ATP2A2: variants seen among roughly 807,000 people sequenced by gnomAD.
The protein encoded by ATP2A2 is ATPase sarcoplasmic/endoplasmic reticulum Ca2+ transporting 2, also known as sarcoplasmic/endoplasmic reticulum calcium ATPase 2.
ATP2A2 carries 14 observed loss-of-function variants against 109.3 expected under a neutral mutation model. That is an observed-to-expected ratio of 0.13 (90% CI 0.08 to 0.20). The LOEUF is 0.20. Among genes scored for constraint, ATP2A2 ranks in the 10% least tolerant of loss-of-function variants. ATP2A2 has a pLI of 1.00. For synonymous variants in ATP2A2, 506 were observed against 490.9 expected (o/e 1.03, Z -0.41); for missense variants, 657 against 1,321.6 (o/e 0.50, Z 7.80).
Position 110,342,558 on chromosome 12 carries a change from T to G in ATP2A2, c.2318+110T>G. 1.5e-6 allele frequency: 2 copies of G among 1,316,084 alleles called. No individual in the cohort carries two copies. The highest frequency in any genetic ancestry group is 2.1e-6 in the Non-Finnish European group (2 of 934,552). The allele number at this position is 1,316,084 out of a possible 1,614,324, so 81.5% of individuals were successfully genotyped here. On this transcript the variant is annotated intron_variant, in intron 15 of 19. Transcript: ENST00000539276. The surrounding 1 kb of genome is among the most constrained non-coding windows in gnomAD (Gnocchi z 4.6). ...TTGCAGCAGCTTTGGTCTTTGTGCC[T>G]GAGTTGGAAGAGGGGAGTGGGCAAG...
chr12:110,332,764 G>A, intron 9 of ATP2A2, 79 bp downstream of exon 9: 1 of 1,247,428 alleles, frequency 8.0e-7, no homozygotes, highest in South Asian at 1.2e-5. Context: ...TGTCTACAAA[G>A]TTAAGACAGC....
At chr12:110,338,431 C>A (rs1488755404) in intron 11 of ATP2A2, among the ~76,000 whole-genome samples, 1 of 152,216 alleles carries the variant, frequency 6.6e-6, no homozygotes, top group Admixed American at 6.5e-5. Context: ...TGTCATTATA[C>A]TGAATGGTAT....
rs1245971806 is a variant in ATP2A2, at chr12:110,281,601, G to T, written c.-189G>T. 2 of 369,888 alleles carry T rather than the reference G, an allele frequency of 5.4e-6. No homozygotes were observed. The highest frequency in any genetic ancestry group is 9.7e-6 in the Non-Finnish European group (2 of 206,776). The allele number at this position is 369,888 out of a possible 1,614,324, so 22.9% of individuals were successfully genotyped here. On this transcript the variant is annotated 5_prime_UTR_variant, in exon 1 of 20. Transcript: ENST00000539276. ...CTGCGGAGCTCGGGGCCGCGCGAGG[G>T]GCGGTTGTCTGGGGGAGGGGGCGCG...
At chr12:110,292,930 A>T (rs1873474202) in intron 4 of ATP2A2, among the ~76,000 whole-genome samples, 1 of 152,032 alleles carries the variant, frequency 6.6e-6, no homozygotes, top group Non-Finnish European at 1.5e-5. Flanking sequence ...TGTCATTTTT[A>T]TTCTCCTTGG....
rs188425167 is a variant in ATP2A2 at position 110,346,693 on chromosome 12, C to A, written c.*223C>A. 92 of 1,406,648 alleles carry A rather than the reference C, an allele frequency of 6.5e-5. 1 individual carries two copies. In the African/African-American group the frequency reaches 1.3e-3, roughly 20 times the overall value. 87.1% of individuals were successfully genotyped at this position (1,406,648 alleles called of 1,614,324 possible). A position where few individuals can be genotyped will look rare whatever the true frequency, so the allele number is the denominator to read the frequency against. On this transcript the variant is annotated 3_prime_UTR_variant, in exon 20 of 20. Coordinates refer to ENST00000539276, the MANE Select transcript of ATP2A2 (RefSeq NM_170665.4). ...CATTGACATGTACAGAGAACTAACA[C>A]TATTTTATGCAAATATTTTTTTGTA...
At position 110,340,874 on chromosome 12, in the gene ATP2A2, A is replaced by G; in HGVS notation, c.1977A>G (p.Glu659=). ...CTTTCACAGGCCGGGAGTTTGATGA[A>G]CTCAACCCCTCCGCCCAGCGAGACG... ...SKAFTGREFD[E]LNPSAQRDAC... is the part of the protein sequence containing the mutation. The change falls in exon 14 of 20, where the codon GAA becomes GAG. Residue 659 remains glutamate (E), a synonymous_variant. Coordinates refer to ENST00000539276, the MANE Select transcript of ATP2A2 (RefSeq NM_170665.4). The surrounding 1 kb of genome is among the most constrained non-coding windows in gnomAD (Gnocchi z 6.0). 6.2e-7 allele frequency: 1 copy of G among 1,614,100 alleles called. No individual in the cohort carries two copies. Among genetic ancestry groups the G allele is most frequent in the Non-Finnish European group, 8.5e-7 (1 of 1,180,024 alleles).
chr12:110,331,316 A>C (rs1216059413), intron 8 of ATP2A2: 3 of 152,280 alleles, frequency 2.0e-5, no homozygotes, highest in East Asian at 3.9e-4. Context: ...TTGCTCTGAA[A>C]AGATGTGTTT....
chr12:110,308,923 A>G (rs1875675060), intron 5 of ATP2A2, among the ~76,000 whole-genome samples: 2 of 152,124 alleles, frequency 1.3e-5, no homozygotes, highest in Admixed American at 1.3e-4. Flanking sequence ...GAAGCTGAAA[A>G]TAAAAAAGTA....
intron 11 of ATP2A2, among the ~76,000 whole-genome samples, chr12:110,337,907 A>G (rs1878992271): frequency 6.6e-6 from 1 of 152,238 alleles, no homozygotes; most frequent in African/African-American, 2.4e-5. Context: ...GGTCTGTGTA[A>G]TAGGCAAGAA....
chr12:110,329,023 C>CT (rs1187553643), intron 8 of ATP2A2, among the ~76,000 whole-genome samples: 2 of 152,222 alleles, frequency 1.3e-5, no homozygotes, highest in African/African-American at 4.8e-5. Context: ...AGATAGTCAT[C>CT]TCTCTGTATT....
intron 5 of ATP2A2, among the ~76,000 whole-genome samples, chr12:110,309,252 G>T (rs1055801328): frequency 7.0e-6 from 1 of 143,646 alleles, no homozygotes; most frequent in Non-Finnish European, 1.5e-5. Context: ...CCGCCTCCTG[G>T]GTTCAAGCGA....
Position 110,340,510 on chromosome 12 carries a change from C to A in ATP2A2, c.1762-149C>A. ...CTGAGATTGCGCCATGGCACTCCAG[C>A]CTGGGCAACAAGAGCGAAACTCCGC... On this transcript the variant is annotated intron_variant, in intron 13 of 19. Coordinates refer to ENST00000539276, the MANE Select transcript of ATP2A2 (RefSeq NM_170665.4). The surrounding 1 kb of genome is among the most constrained non-coding windows in gnomAD (Gnocchi z 6.0). The A allele has an allele frequency of 1.1e-6, 1 of 884,252 alleles. No individual in the cohort carries two copies. The highest frequency in any genetic ancestry group is 1.7e-6 in the Non-Finnish European group (1 of 586,886). 54.8% of individuals were successfully genotyped at this position (884,252 alleles called of 1,614,324 possible).
At chr12:110,321,100 C>T (rs924272795) in intron 5 of ATP2A2, among the ~76,000 whole-genome samples, 7 of 152,128 alleles carry the variant, frequency 4.6e-5, no homozygotes, top group Admixed American at 1.3e-4. Context: ...TGGTGGCGCA[C>T]GCCTGTAGTC....
intron 14 of ATP2A2, among the ~76,000 whole-genome samples, chr12:110,341,281 T>C (rs950472589): frequency 2.0e-5 from 3 of 152,146 alleles, no homozygotes; most frequent in Non-Finnish European, 4.4e-5. Context: ...TTGTAAGTTT[T>C]CTGAAAATTG....
At chr12:110,304,887 C>T (rs1875098775) in intron 5 of ATP2A2, among the ~76,000 whole-genome samples, 1 of 152,072 alleles carries the variant, frequency 6.6e-6, no homozygotes, top group Non-Finnish European at 1.5e-5. Context: ...TGGCTCATAC[C>T]TATATGATCC....
chr12:110,350,066 A>G lies in ATP2A2; in HGVS notation c.*3596A>G. 7.0e-7 allele frequency: 1 copy of G among 1,432,802 alleles called. No homozygotes were observed. Among genetic ancestry groups the G allele is most frequent in the South Asian group, 1.5e-5 (1 of 66,318 alleles). The allele number at this position is 1,432,802 out of a possible 1,614,324, so 88.8% of individuals were successfully genotyped here. On this transcript the variant is annotated 3_prime_UTR_variant, in exon 20 of 20. Transcript: ENST00000539276. ...TCCAGAGCCTTTATTCTGTAGCCAG[A>G]CGACACGAGGAGTCTGTGTCACTGA...
chr12:110,345,169 T>C (rs1879723581), intron 17 of ATP2A2, 80 bp from the exon 18 acceptor site: 1 of 1,606,474 alleles, frequency 6.2e-7, no homozygotes, highest in Non-Finnish European at 8.5e-7. Context: ...GGCTGGTCTG[T>C]GCTAGGCTTG....
rs758922402 is a variant in ATP2A2, at chr12:110,332,582, G to A, written c.1096-15G>A. The A allele has an allele frequency of 1.6e-5, 25 of 1,592,442 alleles. No homozygotes were observed. The highest frequency in any genetic ancestry group is 6.7e-5 in the African/African-American group (5 of 74,360). On this transcript the variant is annotated splice_polypyrimidine_tract_variant and intron_variant, in intron 8 of 19. Transcript: ENST00000539276. Reference sequence around the variant, plus strand: ...AAATCCCTTTTAAATACTCTGATGCGCTCTCCCCCTACAGATGTTCATTCT... The same window carrying A: ...AAATCCCTTTTAAATACTCTGATGCACTCTCCCCCTACAGATGTTCATTCT...
intron 17 of ATP2A2, 109 bp downstream of exon 17, chr12:110,345,080 A>G: frequency 6.7e-7 from 1 of 1,487,980 alleles, no homozygotes; most frequent in Non-Finnish European, 9.4e-7. Context: ...GACAATAAAC[A>G]GTTACATCTA....
Sources: gnomAD v4.1 joint callset for allele counts (sites outside exome capture counted in the v4.1 genomes callset) on GRCh38, gnomAD v4.1.1 for gene constraint, Gnocchi (gnomAD v3.1) non-coding constraint, MANE v1.5 for transcripts, NCBI Gene and HGNC (gene_info 2026-07-23, HGNC 2026-07-21) for gene names.